Variants in EIF2S2 observed in about 807,000 individuals in gnomAD.
The protein encoded by EIF2S2 is eukaryotic translation initiation factor 2 subunit beta, also known as eukaryotic translation initiation factor 2 subunit 2.
EIF2S2 carries 4 observed loss-of-function variants against 44.0 expected under a neutral mutation model. That is an observed-to-expected ratio of 0.09 (90% CI 0.04 to 0.21). The LOEUF (loss-of-function observed/expected upper bound fraction) is 0.21. EIF2S2 is among the 10% of genes least tolerant of loss of function. The probability of loss-of-function intolerance (pLI) is 1.00; values close to 1 mark genes in which losing one functional copy is unlikely to be tolerated. For missense variants in EIF2S2, 154 were observed against 392.0 expected (o/e 0.39, Z 5.13); for synonymous variants, 108 against 128.3 (o/e 0.84, Z 1.07).
chr20:34,103,167 A>G (rs1046460398), intron 3 of EIF2S2, among the ~76,000 whole-genome samples: 3 of 152,244 alleles, frequency 2.0e-5, no homozygotes, highest in Non-Finnish European at 2.9e-5. Flanking sequence ...TTTCTCACTC[A>G]TAGAAATAGT....
intron 3 of EIF2S2, 35 bp downstream of exon 3, chr20:34,103,427 G>A (rs1437092143): frequency 6.6e-7 from 1 of 1,514,808 alleles, no homozygotes; most frequent in Middle Eastern, 2.4e-4. Context: ...CTTGCAAGAG[G>A]TCAAATTTTA....
chr20:34,095,549 T>C (rs781771731), intron 6 of EIF2S2, among the ~76,000 whole-genome samples: 16 of 152,334 alleles, frequency 1.1e-4, no homozygotes, highest in Admixed American at 5.2e-4. Flanking sequence ...CCTGACCTTG[T>C]GATCCGCCCA....
At chr20:34,106,888 G>C (rs1025260565) in intron 1 of EIF2S2, among the ~76,000 whole-genome samples, 1 of 152,150 alleles carries the variant, frequency 6.6e-6, no homozygotes, top group Non-Finnish European at 1.5e-5. Context: ...TGATAGAGTA[G>C]AAAGCGCAGG....
intron 3 of EIF2S2, among the ~76,000 whole-genome samples, chr20:34,099,436 T>C (rs549610407): frequency 4.2e-4 from 64 of 152,102 alleles, no homozygotes; most frequent in Non-Finnish European, 8.5e-4. Context: ...AGGAACAGGG[T>C]TCAGGAGTAC....
intron 7 of EIF2S2, 89 bp from the exon 8 acceptor site, chr20:34,090,691 A>G: frequency 1.4e-6 from 1 of 718,294 alleles, no homozygotes; most frequent in South Asian, 2.0e-5. Flanking sequence ...TGAACTTAAA[A>G]TATATTCAGT....
intron 3 of EIF2S2, among the ~76,000 whole-genome samples, chr20:34,102,365 A>G (rs1258234090): frequency 6.6e-6 from 1 of 152,246 alleles, no homozygotes; most frequent in Non-Finnish European, 1.5e-5. Context: ...GAATCCAGAT[A>G]AAACCAGCTT....
Position 34,098,114 on chromosome 20 carries a change from C to T in EIF2S2, c.433+384G>A, listed in dbSNP as rs188651930. ...ATACAAAATTAGCCGAGAGTGGTGG[C>T]GAATGCCTGTAATCCCAGCTACTCG... is the stretch of plus-strand genomic sequence containing the variant. On this transcript the variant is annotated intron_variant, in intron 4 of 8. Transcript: ENST00000374980. Among the ~76,000 whole-genome samples, 67 of 152,038 alleles carry T rather than the reference C, an allele frequency of 4.4e-4. 1 individual carries two copies. The highest frequency in any genetic ancestry group is 6.8e-3 in the Middle Eastern group (2 of 294).
At chr20:34,103,924 T>C (rs1403701489) in intron 2 of EIF2S2, among the ~76,000 whole-genome samples, 1 of 152,114 alleles carries the variant, frequency 6.6e-6, no homozygotes, top group Non-Finnish European at 1.5e-5. Flanking sequence ...TTAGCCAGGA[T>C]GGTCTCGCTC....
At chr20:34,090,446 G>T in intron 8 of EIF2S2, 71 bp downstream of exon 8, 2 of 928,298 alleles carry the variant, frequency 2.2e-6, no homozygotes, top group Non-Finnish European at 1.5e-6. Flanking sequence ...CAATCAAATG[G>T]CTCTTCCTCT....
chr20:34,111,197 G>A (rs770064234), intron 1 of EIF2S2, among the ~76,000 whole-genome samples: 2 of 152,120 alleles, frequency 1.3e-5, no homozygotes, highest in African/African-American at 4.8e-5. Context: ...TACTTCCTGT[G>A]AGCACATTTA....
intron 1 of EIF2S2, among the ~76,000 whole-genome samples, chr20:34,107,860 TA>T (rs2034367180): frequency 6.6e-6 from 1 of 152,190 alleles, no homozygotes; most frequent in Non-Finnish European, 1.5e-5. Context: ...TCCAACTGTA[TA>T]AATAATTAAA....
At chr20:34,090,475 G>T in intron 8 of EIF2S2, 42 bp downstream of exon 8, 2 of 1,257,298 alleles carry the variant, frequency 1.6e-6, no homozygotes, top group African/African-American at 1.5e-5. Flanking sequence ...AGCCTCATGA[G>T]AACATTTCAG....
chr20:34,111,001 T>C (rs2034405788), intron 1 of EIF2S2, among the ~76,000 whole-genome samples: 1 of 152,214 alleles, frequency 6.6e-6, no homozygotes, highest in Non-Finnish European at 1.5e-5. Context: ...AAATTTTTCA[T>C]CTCTAAAATG....
chr20:34,104,617 T>C (rs1250857794), intron 2 of EIF2S2, among the ~76,000 whole-genome samples: 1 of 152,222 alleles, frequency 6.6e-6, no homozygotes, highest in Non-Finnish European at 1.5e-5. Context: ...AAGTTATCAG[T>C]GAAATTTTAC....
At chr20:34,108,761 CTCTCA>C (rs1192487880) in intron 1 of EIF2S2, among the ~76,000 whole-genome samples, 3 of 152,070 alleles carry the variant, frequency 2.0e-5, no homozygotes, top group African/African-American at 7.2e-5. Context: ...TAGAAGCTTC[CTCTCA>C]TAGATCATAC....
In EIF2S2 at chr20:34,103,494, A is replaced by T; in HGVS notation, c.265T>A (p.Phe89Ile). 4 of 1,565,728 alleles carry T rather than the reference A, an allele frequency of 2.6e-6. No individual in the cohort carries two copies. The highest frequency in any genetic ancestry group is 3.5e-6 in the Non-Finnish European group (4 of 1,152,080). ...CCTTCTTCAGCTTCATCAATATCAA[A>T]TATCTTTTTAGTTTTTTTCTTCTTT... ...KKKKKKTKKI[F>I]DIDEAEEGVK... Residue 89 changes from phenylalanine to isoleucine, a missense_variant, in exon 3 of 9, where the codon TTT becomes ATT. Around this residue, in one of 2 missense-constraint regions of EIF2S2, gnomAD observed 134 missense variants for 225.0 expected, o/e 0.60. Transcript: ENST00000374980.
Position 34,089,504 on chromosome 20 carries a change from G to A in EIF2S2, c.*226C>T, listed in dbSNP as rs1294977308. On this transcript the variant is annotated 3_prime_UTR_variant, in exon 9 of 9. Transcript: ENST00000374980. Reference sequence around the variant, plus strand: ...GAAGTCTATGAACGATTTTAAAAAAGCACCTCCTTACCCCATATCACGTTT... The same window carrying A: ...GAAGTCTATGAACGATTTTAAAAAAACACCTCCTTACCCCATATCACGTTT... The A allele has an allele frequency of 1.0e-4, 48 of 471,038 alleles. No individual in the cohort carries two copies. Among genetic ancestry groups the A allele is most frequent in the Admixed American group, 3.3e-4 (8 of 24,476 alleles). 29.2% of individuals were successfully genotyped at this position (471,038 alleles called of 1,614,324 possible). A position where few individuals can be genotyped will look rare whatever the true frequency, so the allele number is the denominator to read the frequency against.
At chr20:34,105,051 T>C (rs1320518102) in intron 2 of EIF2S2, among the ~76,000 whole-genome samples, 1 of 152,228 alleles carries the variant, frequency 6.6e-6, no homozygotes, top group Non-Finnish European at 1.5e-5. Flanking sequence ...ACTGCCTATC[T>C]TAGTACCATT....
At chr20:34,106,427 CTTTTT>C (rs55646105) in intron 1 of EIF2S2, among the ~76,000 whole-genome samples, 2 of 140,900 alleles carry the variant, frequency 1.4e-5, no homozygotes, top group African/African-American at 2.6e-5. Context: ...ATTAAAGGTT[CTTTTT>C]TTTTTTTTTT....
Sources: gnomAD v4.1 joint callset for allele counts (sites outside exome capture counted in the v4.1 genomes callset) on GRCh38, gnomAD v4.1.1 for gene constraint, gnomAD v4.1.1 regional missense constraint, MANE v1.5 for transcripts, NCBI Gene and HGNC (gene_info 2026-07-23, HGNC 2026-07-21) for gene names.